Variants in THEMIS observed in about 807,000 individuals in gnomAD.
THEMIS encodes the protein thymocyte selection associated.
A neutral mutation model predicts 52.6 loss-of-function variants in THEMIS; 37 were observed. The observed-to-expected ratio is 0.70, with a 90% confidence interval of 0.54 to 0.93. The LOEUF (loss-of-function observed/expected upper bound fraction) is 0.93, where lower values mean the gene tolerates loss of function less well. Among genes scored for constraint, THEMIS ranks in the 40% least tolerant of loss-of-function variants. The probability of loss-of-function intolerance (pLI) is 0.00; values close to 1 mark genes in which losing one functional copy is unlikely to be tolerated. For missense variants in THEMIS, 808 were observed against 763.1 expected (o/e 1.06, Z -0.69); for synonymous variants, 292 against 272.7 (o/e 1.07, Z -0.70).
intron 2 of THEMIS, among the ~76,000 whole-genome samples, chr6:127,842,705 A>G (rs1779089786): frequency 6.6e-6 from 1 of 151,936 alleles, no homozygotes; most frequent in Non-Finnish European, 1.5e-5. Context: ...CCTCACCTCA[A>G]AGGAATTATT....
In THEMIS at chr6:127,912,456, G is replaced by C. The variant is rs1260355416; in HGVS notation, c.-150+5972C>G. ...CCAAGCTGTCCTTGTTCATTCCTGG[G>C]AGCAGGCTGAGTTAACTTTGGGAAG... On this transcript the variant is annotated intron_variant, in intron 1 of 6. Coordinates refer to the THEMIS transcript ENST00000368250. Among the ~76,000 whole-genome samples, 3 of 152,164 alleles carry C rather than the reference G, an allele frequency of 2.0e-5. No homozygotes were observed. The East Asian group carries it at 5.8e-4, about 29-fold the overall frequency.
chr6:127,786,276 C>A (rs1158798839), intron 4 of THEMIS, among the ~76,000 whole-genome samples: 1 of 152,120 alleles, frequency 6.6e-6, no homozygotes, highest in Non-Finnish European at 1.5e-5. Flanking sequence ...AACAGCTTGG[C>A]CATCTGTTAT....
At chr6:127,847,386 T>G (rs1779255367) in intron 2 of THEMIS, among the ~76,000 whole-genome samples, 1 of 151,918 alleles carries the variant, frequency 6.6e-6, no homozygotes, top group Non-Finnish European at 1.5e-5. Flanking sequence ...TAGAAAAACC[T>G]AAAGACTCAT....
intron 4 of THEMIS, among the ~76,000 whole-genome samples, chr6:127,800,065 A>T (rs1049381085): frequency 1.3e-5 from 2 of 152,176 alleles, no homozygotes; most frequent in African/African-American, 4.8e-5. Flanking sequence ...GCAATAATCC[A>T]TACATGTGGT....
chr6:127,864,902 G>A (rs1191902413), intron 1 of THEMIS, among the ~76,000 whole-genome samples: 2 of 152,186 alleles, frequency 1.3e-5, no homozygotes, highest in Non-Finnish European at 2.9e-5. Context: ...AAATGAGCCA[G>A]TGAAAAAGGT....
chr6:127,730,147 G>T (rs1443894093), intron 4 of THEMIS, among the ~76,000 whole-genome samples: 1 of 151,748 alleles, frequency 6.6e-6, no homozygotes, highest in Non-Finnish European at 1.5e-5. Flanking sequence ...GGTGCCTGTA[G>T]TCCCAGCTAC....
At chr6:127,831,911 A>G (rs1778708431) in intron 2 of THEMIS, among the ~76,000 whole-genome samples, 2 of 152,010 alleles carry the variant, frequency 1.3e-5, no homozygotes, top group African/African-American at 2.4e-5. Context: ...CAGTAAATGA[A>G]TTTGTGTGTG....
chr6:127,859,370 T>C (rs1344404914), intron 1 of THEMIS, among the ~76,000 whole-genome samples: 1 of 152,198 alleles, frequency 6.6e-6, no homozygotes, highest in Non-Finnish European at 1.5e-5. Flanking sequence ...TAAAGCCTTA[T>C]GTGATTATTA....
intron 1 of THEMIS, among the ~76,000 whole-genome samples, chr6:127,916,616 A>C (rs1380964939): frequency 6.6e-6 from 1 of 152,210 alleles, no homozygotes; most frequent in Non-Finnish European, 1.5e-5. Flanking sequence ...AATGGATAGA[A>C]TTTATTCATT....
intron 3 of THEMIS, among the ~76,000 whole-genome samples, chr6:127,818,481 A>G (rs1778211761): frequency 6.6e-6 from 1 of 152,254 alleles, no homozygotes; most frequent in South Asian, 2.1e-4. Flanking sequence ...CCATTATAGT[A>G]AACTATAAAC....
chr6:127,703,901 T>C (rs1342811492), downstream of THEMIS, among the ~76,000 whole-genome samples: 1 of 152,044 alleles, frequency 6.6e-6, no homozygotes, highest in Non-Finnish European at 1.5e-5. Flanking sequence ...GGCTAAGAAG[T>C]CTAAGATCAA....
chr6:127,703,268 C>T (rs1248288267), downstream of THEMIS, among the ~76,000 whole-genome samples: 3 of 151,810 alleles, frequency 2.0e-5, no homozygotes, highest in East Asian at 1.9e-4. Context: ...GGGATGGTCT[C>T]GATCTCCTGA....
intron 3 of THEMIS, among the ~76,000 whole-genome samples, chr6:127,818,026 C>A (rs989386064): frequency 5.9e-5 from 9 of 152,188 alleles, no homozygotes; most frequent in Non-Finnish European, 1.2e-4. Context: ...TTTAGCACAG[C>A]CTAACCAACT....
At chr6:127,841,890 C>G (rs187750880) in intron 2 of THEMIS, among the ~76,000 whole-genome samples, 250 of 152,048 alleles carry the variant, frequency 1.6e-3, no homozygotes, top group Non-Finnish European at 3.0e-3. Context: ...CTTAAGTGAG[C>G]ACAGTGGGAA....
intron 4 of THEMIS, among the ~76,000 whole-genome samples, chr6:127,722,546 T>G (rs1774397574): frequency 6.6e-6 from 1 of 151,966 alleles, no homozygotes; most frequent in African/African-American, 2.4e-5. Context: ...CCTGTTCAAC[T>G]TCTTTTCTGA....
intron 1 of THEMIS, among the ~76,000 whole-genome samples, chr6:127,896,629 T>C (rs67707912): frequency 0.091 from 13,839 of 151,434 alleles, 758 homozygotes; most frequent in Non-Finnish European, 0.13. Flanking sequence ...TTCTAAAATG[T>C]ATGTGAAAAT....
At chr6:127,830,391 A>G (rs1778660514) in intron 2 of THEMIS, among the ~76,000 whole-genome samples, 1 of 152,176 alleles carries the variant, frequency 6.6e-6, no homozygotes, top group Non-Finnish European at 1.5e-5. Flanking sequence ...ACTGATTTGT[A>G]GTCACATTCA....
intron 2 of THEMIS, among the ~76,000 whole-genome samples, chr6:127,846,046 C>A (rs1227291293): frequency 6.6e-6 from 1 of 151,910 alleles, no homozygotes; most frequent in Non-Finnish European, 1.5e-5. Context: ...CCCAAATGAA[C>A]AACAGAGCCC....
At chr6:127,844,595 A>T (rs1295182318) in intron 2 of THEMIS, among the ~76,000 whole-genome samples, 1 of 151,916 alleles carries the variant, frequency 6.6e-6, no homozygotes, top group African/African-American at 2.4e-5. Context: ...GGGAAAAAAA[A>T]AAATCTATGT....
Sources: allele counts gnomAD v4.1 joint callset (sites outside exome capture counted in the v4.1 genomes callset), GRCh38; gene constraint gnomAD v4.1.1; transcripts MANE v1.5; gene names NCBI Gene and HGNC (gene_info 2026-07-23, HGNC 2026-07-21).